NRG3: variants seen among roughly 807,000 people sequenced by gnomAD.
The protein encoded by NRG3 is neuregulin 3, also known as pro-neuregulin-3, membrane-bound isoform.
In NRG3, 31 loss-of-function variants were observed where a neutral mutation model predicts 66.9. The ratio of observed to expected loss-of-function variants is 0.46; its 90% CI spans 0.35 to 0.63. NRG3 has a LOEUF of 0.63. Ranked by LOEUF, NRG3 falls within the 20% of genes least tolerant of loss-of-function variation. The pLI is 0.00. For missense variants in NRG3, 910 were observed against 878.9 expected, an observed-to-expected ratio of 1.04 and a Z score of -0.45; for synonymous variants, 393 against 359.4, an observed-to-expected ratio of 1.09 and a Z score of -1.06.
chr10:82,860,929 G>C lies in NRG3; in HGVS notation c.1028-4482G>C, dbSNP rs115451931. Among the ~76,000 whole-genome samples the C allele has an allele frequency of 7.3e-3, 1,110 of 152,250 alleles. 15 individuals carry two copies. Among genetic ancestry groups the C allele is most frequent in the African/African-American group, 0.025 (1,047 of 41,542 alleles). On this transcript the variant is annotated intron_variant, in intron 3 of 8. Coordinates refer to ENST00000372141, the MANE Select transcript of NRG3 (RefSeq NM_001010848.4). ...AGGCGTGAATATCCCTGGGCATACT[G>C]CTTGCTTTGAGAAATAGCCAGTGAA...
At chr10:82,330,798 G>A (rs2082105946) in intron 1 of NRG3, among the ~76,000 whole-genome samples, 1 of 152,090 alleles carries the variant, frequency 6.6e-6, no homozygotes, top group Admixed American at 6.5e-5. Context: ...GAGGTTCTTA[G>A]CATAATTTGT....
intron 1 of NRG3, among the ~76,000 whole-genome samples, chr10:81,895,136 C>T (rs565139870): frequency 2.0e-5 from 3 of 152,156 alleles, no homozygotes; most frequent in Non-Finnish European, 4.4e-5. Flanking sequence ...TCGGGCTACA[C>T]ATGCCTTTCC....
Position 82,536,589 on chromosome 10 carries a change from T to C in NRG3, c.953+177721T>C, listed in dbSNP as rs1339377983. ...TTACAAGTGGTTAAAACTTTGGTGA[T>C]CGACATGAAGACCCATTTTCTTCTC... On this transcript the variant is annotated intron_variant, in intron 2 of 8. Transcript: ENST00000372141. Among the ~76,000 whole-genome samples the C allele has an allele frequency of 7.2e-4, 110 of 152,288 alleles. 1 individual carries two copies. Among genetic ancestry groups the C allele is most frequent in the Admixed American group, 7.1e-3 (109 of 15,290 alleles).
intron 2 of NRG3, among the ~76,000 whole-genome samples, chr10:82,656,872 T>C (rs2133932780): frequency 6.6e-6 from 1 of 152,292 alleles, no homozygotes; most frequent in East Asian, 1.9e-4. Flanking sequence ...AGCCAGGTCA[T>C]GATGTAGGGT....
chr10:82,061,197 A>C (rs2064122927), intron 1 of NRG3, among the ~76,000 whole-genome samples: 1 of 152,198 alleles, frequency 6.6e-6, no homozygotes, highest in African/African-American at 2.4e-5. Context: ...CTAAAAGTAC[A>C]AAAATTAGCC....
chr10:82,785,628 A>G lies in NRG3; in HGVS notation c.1027+46978A>G, dbSNP rs2060327171. On this transcript the variant is annotated intron_variant, in intron 3 of 8. Transcript: ENST00000372141. The stretch of plus-strand genomic sequence containing the variant: ...GTCCTTGGACTTTGCGGAAGGCAAC[A>G]CTTTAGAGGGATGAACTAGGACATC... Among the ~76,000 whole-genome samples the G allele has an allele frequency of 2.6e-5, 4 of 152,306 alleles. 1 individual carries two copies. In the South Asian group the frequency reaches 6.2e-4, roughly 24 times the overall value.
chr10:82,985,170 C>T lies in NRG3; in HGVS notation c.1656C>T (p.Asn552=), dbSNP rs17101193. 6.2e-7 allele frequency: 1 copy of T among 1,614,000 alleles called. No individual in the cohort carries two copies. Among genetic ancestry groups the T allele is most frequent in the Non-Finnish European group, 8.5e-7 (1 of 1,179,974 alleles). The change falls in exon 9 of 9, where the codon AAC becomes AAT. Residue 552 remains asparagine (N), a synonymous_variant. Transcript: ENST00000372141. ...INMQLPSRET[N]PYFNSLEQKD... is the part of the protein sequence containing the mutation. Reference sequence around the variant, plus strand: ...TGCAACTGCCTTCAAGAGAGACAAACCCCTATTTTAATAGCTTGGAGCAAA... The same window carrying T: ...TGCAACTGCCTTCAAGAGAGACAAATCCCTATTTTAATAGCTTGGAGCAAA...
intron 3 of NRG3, among the ~76,000 whole-genome samples, chr10:82,804,475 G>A (rs772597920): frequency 4.6e-5 from 7 of 152,150 alleles, no homozygotes; most frequent in East Asian, 1.9e-4. Context: ...AGTACTGTTC[G>A]TGGTTTCTGG....
chr10:81,907,156 T>C (rs1844673322), intron 1 of NRG3, among the ~76,000 whole-genome samples: 1 of 152,158 alleles, frequency 6.6e-6, no homozygotes, highest in South Asian at 2.1e-4. Flanking sequence ...ACCTGATCTG[T>C]TTCTAGGAGG....
At chr10:81,957,714 G>T (rs1045967970) in intron 1 of NRG3, among the ~76,000 whole-genome samples, 27 of 152,112 alleles carry the variant, frequency 1.8e-4, no homozygotes, top group African/African-American at 6.3e-4. Flanking sequence ...TGAAGAGTTG[G>T]GAATTAGGGT....
chr10:82,883,348 G>T (rs1284761918), intron 4 of NRG3, among the ~76,000 whole-genome samples: 2 of 152,060 alleles, frequency 1.3e-5, no homozygotes, highest in Non-Finnish European at 2.9e-5. Context: ...AGTTGAACCT[G>T]TCCCTTTTAG....
At chr10:81,952,792 G>T (rs1034921532) in intron 1 of NRG3, among the ~76,000 whole-genome samples, 1 of 151,412 alleles carries the variant, frequency 6.6e-6, no homozygotes, top group Non-Finnish European at 1.5e-5. Context: ...TTTTATTTTT[G>T]TAGAGAAGAG....
At position 82,985,302 on chromosome 10, in the gene NRG3, A is replaced by T. The variant is rs1417347656; in HGVS notation, c.1788A>T (p.Lys596Asn). The T allele has an allele frequency of 6.2e-7, 1 of 1,614,186 alleles. No individual in the cohort carries two copies. Residue 596 changes from lysine to asparagine, a missense_variant, in exon 9 of 9, where the codon AAA becomes AAT. Physicochemically the swap from Lys to Asn is moderately conservative, Grantham distance 94 (BLOSUM62 0). Transcript: ENST00000372141. Reference protein sequence around the residue: ...CLQMPGISEVKSIKWCKNSYS... With the variant: ...CLQMPGISEVNSIKWCKNSYS... Reference sequence around the variant, plus strand: ...AAATGCCAGGGATTTCTGAAGTCAAAAGCATCAAATGGTGCAAAAACTCCT... The same window carrying T: ...AAATGCCAGGGATTTCTGAAGTCAATAGCATCAAATGGTGCAAAAACTCCT...
At chr10:82,456,137 C>CTTTT (rs147759240) in intron 2 of NRG3, among the ~76,000 whole-genome samples, 4 of 88,796 alleles carry the variant, frequency 4.5e-5, no homozygotes, top group African/African-American at 1.1e-4. Context: ...TTTTCTGTCA[C>CTTTT]TTTTTTTTTT....
chr10:82,312,378 C>A (rs1277470184), intron 1 of NRG3, among the ~76,000 whole-genome samples: 1 of 152,086 alleles, frequency 6.6e-6, no homozygotes, highest in Non-Finnish European at 1.5e-5. Flanking sequence ...CAAAACTTAT[C>A]CCTAGAAAAA....
intron 3 of NRG3, among the ~76,000 whole-genome samples, chr10:82,860,496 T>C (rs1324116685): frequency 1.3e-5 from 2 of 152,220 alleles, no homozygotes; most frequent in African/African-American, 4.8e-5. Flanking sequence ...CCAGCACTTA[T>C]GGGCAATCTG....
chr10:81,969,964 G>A (rs1051535331), intron 1 of NRG3, among the ~76,000 whole-genome samples: 5 of 152,054 alleles, frequency 3.3e-5, no homozygotes, highest in African/African-American at 1.2e-4. Flanking sequence ...GCTAGAAGGA[G>A]ATTTTTTAGA....
chr10:82,077,130 T>C (rs984944869), intron 1 of NRG3, among the ~76,000 whole-genome samples: 3 of 152,226 alleles, frequency 2.0e-5, no homozygotes, highest in African/African-American at 4.8e-5. Flanking sequence ...AGTCAAAATA[T>C]GATTTTAGAG....
At chr10:82,450,908 T>A (rs1027486448) in intron 2 of NRG3, among the ~76,000 whole-genome samples, 2 of 152,192 alleles carry the variant, frequency 1.3e-5, no homozygotes, top group African/African-American at 4.8e-5. Context: ...TTCTCTCTGT[T>A]TATATGTTTT....
Sources: allele counts gnomAD v4.1 joint callset (sites outside exome capture counted in the v4.1 genomes callset), GRCh38; gene constraint gnomAD v4.1.1; transcripts MANE v1.5; gene names NCBI Gene and HGNC (gene_info 2026-07-23, HGNC 2026-07-21).